The following SCN9A variants were observed in gnomAD, a reference collection of about 807,000 sequenced individuals.
SCN9A encodes the protein sodium channel protein type 9 subunit alpha.
SCN9A carries 131 observed loss-of-function variants against 187.0 expected under a neutral mutation model. The ratio of observed to expected loss-of-function variants is 0.70; its 90% CI spans 0.61 to 0.81. SCN9A has a LOEUF of 0.81. Among genes scored for constraint, SCN9A ranks in the 30% least tolerant of loss-of-function variants. SCN9A has a pLI of 0.00. For missense variants in SCN9A, 2,252 were observed against 2,396.6 expected, an observed-to-expected ratio of 0.94 and a Z score of 1.26; for synonymous variants, 809 against 808.6, an observed-to-expected ratio of 1.00 and a Z score of -0.01.
intron 1 of SCN9A, among the ~76,000 whole-genome samples, chr2:166,352,571 A>G (rs997474848): frequency 5.3e-5 from 8 of 152,188 alleles, no homozygotes; most frequent in African/African-American, 1.9e-4. Context: ...ATTAAAGTAC[A>G]TCTTGCTTTT....
At chr2:166,335,661 C>T (rs1699609315) in intron 1 of SCN9A, among the ~76,000 whole-genome samples, 2 of 152,104 alleles carry the variant, frequency 1.3e-5, no homozygotes, top group Non-Finnish European at 2.9e-5. Flanking sequence ...GACTGGCCTT[C>T]ACTTGCTAAC....
chr2:166,220,342 G>A (rs1694528830), intron 24 of SCN9A, among the ~76,000 whole-genome samples: 1 of 152,202 alleles, frequency 6.6e-6, no homozygotes, highest in Non-Finnish European at 1.5e-5. Flanking sequence ...GAATTGGGAG[G>A]TGAGACCTTT....
At position 166,371,174 on chromosome 2, in the gene SCN9A, GA is replaced by G. The variant is rs988010626; in HGVS notation, c.-51+4522del. On this transcript the variant is annotated intron_variant, in intron 1 of 26. Transcript: ENST00000642356. The stretch of plus-strand genomic sequence containing the variant: ...AAGATAGTTCATCTCCTGTGTTAAA[GA>G]AACAACAACAACATATTTTTTGCTT... Among the ~76,000 whole-genome samples the G allele has an allele frequency of 5.7e-4, 87 of 152,110 alleles. 2 individuals carry two copies. Among genetic ancestry groups the G allele is most frequent in the Non-Finnish European group, 5.9e-5 (4 of 68,000 alleles).
intron 1 of SCN9A, among the ~76,000 whole-genome samples, chr2:166,350,943 C>CT (rs998431427): frequency 3.3e-5 from 5 of 152,046 alleles, no homozygotes; most frequent in Non-Finnish European, 7.4e-5. Context: ...TTGACGGTGA[C>CT]TTTTTTTATA....
At chr2:166,336,006 G>A (rs1699617191) in intron 1 of SCN9A, among the ~76,000 whole-genome samples, 1 of 152,036 alleles carries the variant, frequency 6.6e-6, no homozygotes, top group South Asian at 2.1e-4. Context: ...TATACGGTAG[G>A]ATGTGAATAG....
At position 166,198,541 on chromosome 2, in the gene SCN9A, G is replaced by C; in HGVS notation, c.*131C>G. 1.5e-6 allele frequency: 1 copy of C among 668,756 alleles called. No homozygotes were observed. 41.4% of individuals were successfully genotyped at this position (668,756 alleles called of 1,614,324 possible). A position where few individuals can be genotyped will look rare whatever the true frequency, so the allele number is the denominator to read the frequency against. ...GCTGCCCACCTTTCTTAGGAAATCA[G>C]AGTTAGTGACTGCACTGCCTTCGAG... is the stretch of plus-strand genomic sequence containing the variant. On this transcript the variant is annotated 3_prime_UTR_variant, in exon 27 of 27. Coordinates refer to ENST00000642356, the MANE Select transcript of SCN9A (RefSeq NM_001365536.1).
At chr2:166,326,902 T>C (rs1699377441) in intron 1 of SCN9A, among the ~76,000 whole-genome samples, 1 of 152,148 alleles carries the variant, frequency 6.6e-6, no homozygotes, top group Non-Finnish European at 1.5e-5. Flanking sequence ...CTTGAGAACA[T>C]TCAGATAACT....
intron 26 of SCN9A, among the ~76,000 whole-genome samples, chr2:166,203,085 C>T (rs1235378148): frequency 6.6e-6 from 1 of 151,406 alleles, no homozygotes; most frequent in Non-Finnish European, 1.5e-5. Context: ...AATTTTAATA[C>T]ATTTTCTTAT....
At chr2:166,249,782 T>C (rs1175895315) in intron 18 of SCN9A, among the ~76,000 whole-genome samples, 1 of 152,124 alleles carries the variant, frequency 6.6e-6, no homozygotes, top group Non-Finnish European at 1.5e-5. Flanking sequence ...AGTTTAAGTT[T>C]TTTGAAGTCA....
Position 166,358,034 on chromosome 2 carries a change from TTTTATTTATTTATTTATTTA to T in SCN9A, c.-51+17643_-51+17662del, listed in dbSNP as rs371958712. On this transcript the variant is annotated intron_variant, in intron 1 of 26. Transcript: ENST00000642356. Reference sequence around the variant, plus strand: ...GAGCCTAATAAGTGGGGAATAAAACTTTTATTTATTTATTTATTTATTTATTTATTTATTTATTTATTTAT... The same window carrying T: ...GAGCCTAATAAGTGGGGAATAAAACTTTTATTTATTTATTTATTTATTTAT... 1.9e-4 allele frequency among the ~76,000 whole-genome samples: 27 copies of T among 140,988 alleles called. 1 individual carries two copies. In the South Asian group the frequency reaches 2.1e-3, roughly 11 times the overall value. The allele number at this position is 140,988 out of a possible 152,430, so 92.5% of individuals were successfully genotyped here.
chr2:166,210,710 A>G (rs1474789038), intron 24 of SCN9A, among the ~76,000 whole-genome samples: 3 of 152,034 alleles, frequency 2.0e-5, no homozygotes, highest in Non-Finnish European at 4.4e-5. Flanking sequence ...AAATTTGGGG[A>G]GAGATATGAA....
intron 1 of SCN9A, among the ~76,000 whole-genome samples, chr2:166,331,718 C>T (rs1365432468): frequency 6.6e-6 from 1 of 152,076 alleles, no homozygotes; most frequent in Admixed American, 6.6e-5. Flanking sequence ...ATACTTTTTA[C>T]TTTTGCTTCT....
At chr2:166,239,714 T>C (rs1695483166) in intron 19 of SCN9A, among the ~76,000 whole-genome samples, 1 of 152,090 alleles carries the variant, frequency 6.6e-6, no homozygotes, top group Non-Finnish European at 1.5e-5. Flanking sequence ...AATGACTCAG[T>C]CCTTGAAATA....
At chr2:166,353,007 C>G (rs527512680) in intron 1 of SCN9A, among the ~76,000 whole-genome samples, 1,249 of 89,150 alleles carry the variant, frequency 0.014, 25 homozygotes, top group African/African-American at 0.057. Flanking sequence ...TCCATTGTAT[C>G]TGTTTTTTTT....
chr2:166,330,563 A>G (rs2105262924), intron 1 of SCN9A, among the ~76,000 whole-genome samples: 1 of 152,288 alleles, frequency 6.6e-6, no homozygotes, highest in South Asian at 2.1e-4. Context: ...TCTCTTAGTG[A>G]TAACACCTGG....
At chr2:166,264,101 C>T (rs1696631616) in intron 17 of SCN9A, among the ~76,000 whole-genome samples, 1 of 152,010 alleles carries the variant, frequency 6.6e-6, no homozygotes, top group African/African-American at 2.4e-5. Context: ...TATATTTTAA[C>T]TTTCAAGTTA....
At position 166,195,624 on chromosome 2, in the gene SCN9A, T is replaced by G. The variant is rs1693224225; in HGVS notation, c.*3048A>C. 6.6e-6 allele frequency: 1 copy of G among 152,230 alleles called. No homozygotes were observed. The highest frequency in any genetic ancestry group is 2.4e-5 in the African/African-American group (1 of 41,460). 9.4% of individuals were successfully genotyped at this position (152,230 alleles called of 1,614,324 possible). ...CTATCAAAACTCTATAAAATCATGC[T>G]AAGTATTTTGGGTTGTGATGTTCAA... On this transcript the variant is annotated 3_prime_UTR_variant, in exon 27 of 27. Transcript: ENST00000642356.
intron 1 of SCN9A, among the ~76,000 whole-genome samples, chr2:166,347,028 C>T (rs558953446): frequency 6.6e-6 from 1 of 152,284 alleles, no homozygotes; most frequent in Non-Finnish European, 1.5e-5. Flanking sequence ...GTGTCTGTCC[C>T]ATTTCTCCAC....
chr2:166,360,321 G>T (rs963825121), intron 1 of SCN9A, among the ~76,000 whole-genome samples: 2 of 151,324 alleles, frequency 1.3e-5, no homozygotes, highest in East Asian at 3.9e-4. Flanking sequence ...ACATTTGCTG[G>T]CATATCTGAA....
Sources: allele counts gnomAD v4.1 joint callset (sites outside exome capture counted in the v4.1 genomes callset), GRCh38; gene constraint gnomAD v4.1.1; transcripts MANE v1.5; gene names NCBI Gene and HGNC (gene_info 2026-07-23, HGNC 2026-07-21).